ITPRID1: variants seen among roughly 807,000 people sequenced by gnomAD.
The protein encoded by ITPRID1 is ITPR interacting domain containing 1.
Under a neutral mutation model 95.4 loss-of-function variants are expected in ITPRID1, and 96 were observed. That is an observed-to-expected ratio of 1.01 (90% CI 0.85 to 1.19). The LOEUF is 1.19. Among genes scored for constraint, ITPRID1 ranks in the 50% most tolerant of loss-of-function variants. The pLI, the probability that ITPRID1 is intolerant of heterozygous loss-of-function variation, is 0.00. For missense variants in ITPRID1, 1,339 were observed against 1,252.9 expected (o/e 1.07, Z -1.04); for synonymous variants, 510 against 453.6 (o/e 1.12, Z -1.58).
At chr7:31,593,102 C>T (rs1295595961) in intron 10 of ITPRID1, among the ~76,000 whole-genome samples, 5 of 152,020 alleles carry the variant, frequency 3.3e-5, no homozygotes, top group South Asian at 2.1e-4. Context: ...GTCAGGAGTT[C>T]GAGACCAGCC....
chr7:31,516,684 A>G (rs190410576), intron 1 of ITPRID1, among the ~76,000 whole-genome samples: 188 of 152,360 alleles, frequency 1.2e-3, no homozygotes, highest in Middle Eastern at 3.4e-3. Context: ...ACTCAATTAG[A>G]GCCTATGTGT....
At chr7:31,616,703 T>G (rs1787269418) in intron 10 of ITPRID1, among the ~76,000 whole-genome samples, 1 of 152,208 alleles carries the variant, frequency 6.6e-6, no homozygotes, top group Admixed American at 6.5e-5. Flanking sequence ...TTTCCTGATT[T>G]CCTCTGTGGC....
chr7:31,581,260 A>C (rs1785393869), intron 9 of ITPRID1, among the ~76,000 whole-genome samples: 1 of 152,168 alleles, frequency 6.6e-6, no homozygotes, highest in African/African-American at 2.4e-5. Flanking sequence ...TCGTACTAAA[A>C]GCTGCATTTG....
chr7:31,529,796 AT>A (rs1783537295), intron 1 of ITPRID1: 2 of 1,535,200 alleles, frequency 1.3e-6, no homozygotes, highest in African/African-American at 2.7e-5. Flanking sequence ...TTGCAAGACC[AT>A]TTCTCTGCTG....
chr7:31,537,351 C>T (rs868504382), intron 1 of ITPRID1, among the ~76,000 whole-genome samples: 8 of 151,992 alleles, frequency 5.3e-5, no homozygotes, highest in Non-Finnish European at 1.2e-4. Context: ...TTTATCTTAC[C>T]CATGGAGTTT....
intron 1 of ITPRID1, among the ~76,000 whole-genome samples, chr7:31,540,077 C>T (rs922290514): frequency 3.3e-5 from 5 of 152,034 alleles, no homozygotes; most frequent in Non-Finnish European, 1.5e-5. Context: ...ATCCAGACCC[C>T]GTAGTTATAA....
chr7:31,540,575 G>C (rs568627011), intron 1 of ITPRID1, among the ~76,000 whole-genome samples: 2 of 152,242 alleles, frequency 1.3e-5, no homozygotes, highest in South Asian at 4.1e-4. Flanking sequence ...GGTAGGACTG[G>C]TTTGCTTTAT....
At chr7:31,657,650 C>T (rs959753621), downstream of ITPRID1, among the ~76,000 whole-genome samples, 1 of 152,138 alleles carries the variant, frequency 6.6e-6, no homozygotes, top group African/African-American at 2.4e-5. Flanking sequence ...TCTTACTATT[C>T]CATTATCAAG....
chr7:31,516,707 T>G (rs985966464), intron 1 of ITPRID1, among the ~76,000 whole-genome samples: 3 of 152,224 alleles, frequency 2.0e-5, no homozygotes, highest in African/African-American at 2.4e-5. Context: ...ATTTGCACTT[T>G]CTACAACAGA....
At chr7:31,568,034 G>A (rs909448830) in intron 5 of ITPRID1, among the ~76,000 whole-genome samples, 9 of 151,432 alleles carry the variant, frequency 5.9e-5, no homozygotes, top group Non-Finnish European at 1.0e-4. Context: ...GCTGAGGCAC[G>A]AGAATCACTT....
chr7:31,574,141 T>G (rs994899661), intron 7 of ITPRID1, among the ~76,000 whole-genome samples: 5 of 151,508 alleles, frequency 3.3e-5, no homozygotes, highest in African/African-American at 1.2e-4. Context: ...TAGCCTTCTT[T>G]TAGTCTACTG....
chr7:31,517,100 T>G (rs1198737859), intron 1 of ITPRID1, among the ~76,000 whole-genome samples: 1 of 152,154 alleles, frequency 6.6e-6, no homozygotes. Flanking sequence ...AAACCACCAT[T>G]CCCAGAGAAC....
At chr7:31,639,745 C>A (rs564555106) in intron 10 of ITPRID1, among the ~76,000 whole-genome samples, 2 of 151,988 alleles carry the variant, frequency 1.3e-5, no homozygotes, top group South Asian at 4.2e-4. Flanking sequence ...ACTGTGTTAG[C>A]CAGGCTCGTC....
intron 10 of ITPRID1, 80 bp from the exon 11 acceptor site, chr7:31,642,096 G>C: frequency 1.1e-6 from 1 of 886,774 alleles, no homozygotes; most frequent in South Asian, 1.7e-5. Flanking sequence ...TGGTGTGTCA[G>C]GCACCTAGAG....
Position 31,595,048 on chromosome 7 carries a change from T to C in ITPRID1, c.1228+11857T>C, listed in dbSNP as rs937834732. Among the ~76,000 whole-genome samples the C allele has an allele frequency of 4.0e-5, 6 of 151,092 alleles. No individual in the cohort carries two copies. The East Asian group carries it at 1.2e-3, about 29-fold the overall frequency. ...ATTAAAATATCTAACAACATGTAAA[T>C]GCAAAGATTCTTTTATAATTTCTTT... On this transcript the variant is annotated intron_variant, in intron 10 of 14. Transcript: ENST00000615280.
At chr7:31,620,123 GC>G (rs1787694801) in intron 10 of ITPRID1, among the ~76,000 whole-genome samples, 1 of 152,196 alleles carries the variant, frequency 6.6e-6, no homozygotes, top group Admixed American at 6.5e-5. Context: ...ACTGGGTGGA[GC>G]CCACCACAGC....
chr7:31,574,846 C>G (rs886422451), intron 8 of ITPRID1, 104 bp downstream of exon 8: 5 of 956,736 alleles, frequency 5.2e-6, no homozygotes, highest in Middle Eastern at 5.9e-4. Context: ...TGCAAACCCT[C>G]TATTACAGTG....
chr7:31,554,392 C>T (rs1784380423), intron 3 of ITPRID1, 83 bp from the exon 4 acceptor site: 7 of 1,529,172 alleles, frequency 4.6e-6, no homozygotes, highest in Non-Finnish European at 6.2e-6. Context: ...GAAATAGTGA[C>T]TGAGTGGCGG....
intron 10 of ITPRID1, among the ~76,000 whole-genome samples, chr7:31,624,799 G>A (rs537855113): frequency 2.0e-5 from 3 of 152,058 alleles, no homozygotes; most frequent in Non-Finnish European, 4.4e-5. Context: ...AAGAGCTTCT[G>A]CACAGCAAAA....
Sources: gnomAD v4.1 joint callset for allele counts (sites outside exome capture counted in the v4.1 genomes callset) on GRCh38, gnomAD v4.1.1 for gene constraint, MANE v1.5 for transcripts, NCBI Gene and HGNC (gene_info 2026-07-23, HGNC 2026-07-21) for gene names.